Variants in NAALADL2 observed in about 807,000 individuals in gnomAD.
NAALADL2 encodes N-acetylated alpha-linked acidic dipeptidase like 2.
NAALADL2 carries 76 observed loss-of-function variants against 87.2 expected under a neutral mutation model. That is an observed-to-expected ratio of 0.87 (90% CI 0.72 to 1.05). NAALADL2 has a LOEUF of 1.05. Ranked by LOEUF, NAALADL2 falls within the 50% of genes least tolerant of loss-of-function variation. The pLI is 0.00. For synonymous variants in NAALADL2, 354 were observed against 331.0 expected (o/e 1.07, Z -0.75); for missense variants, 1,089 against 945.8 (o/e 1.15, Z -1.99).
chr3:174,859,829 C>A (rs1726261483), intron 1 of NAALADL2, among the ~76,000 whole-genome samples: 1 of 152,080 alleles, frequency 6.6e-6, no homozygotes, highest in Non-Finnish European at 1.5e-5. Flanking sequence ...TTTGTCTCTA[C>A]CTGTGGAGTG....
intron 2 of NAALADL2, among the ~76,000 whole-genome samples, chr3:175,147,315 T>G (rs2108760844): frequency 6.6e-6 from 1 of 152,246 alleles, no homozygotes; most frequent in East Asian, 1.9e-4. Context: ...TATTTAGCTC[T>G]CACTTATAAG....
At chr3:174,660,786 A>T (rs1344393112) in intron 2 of NAALADL2, among the ~76,000 whole-genome samples, 1 of 152,144 alleles carries the variant, frequency 6.6e-6, no homozygotes, top group Non-Finnish European at 1.5e-5. Flanking sequence ...CTGTGAAAGT[A>T]CCTTCATTTT....
Position 175,236,062 on chromosome 3 carries a change from C to T in NAALADL2, c.819+1858C>T, listed in dbSNP as rs148960528. 8.2e-3 allele frequency among the ~76,000 whole-genome samples: 1,248 copies of T among 152,212 alleles called. 18 individuals are homozygous for T. The highest frequency in any genetic ancestry group is 0.029 in the African/African-American group (1,184 of 41,516). ...ATATCCTATCACTGTGCAGCTTCTCCGAGGCCCTTATGGGAGCATGTATTT... is the reference window on the plus strand; with the variant it reads ...ATATCCTATCACTGTGCAGCTTCTCTGAGGCCCTTATGGGAGCATGTATTT... On this transcript the variant is annotated intron_variant, in intron 3 of 13. Coordinates refer to ENST00000454872, the MANE Select transcript of NAALADL2 (RefSeq NM_207015.3).
intron 9 of NAALADL2, among the ~76,000 whole-genome samples, chr3:175,490,986 G>T (rs1357883989): frequency 6.6e-6 from 1 of 151,996 alleles, no homozygotes; most frequent in African/African-American, 2.4e-5. Flanking sequence ...TTCAAATAAG[G>T]TTACTTTGAA....
chr3:174,970,702 G>A (rs138570781), intron 1 of NAALADL2, among the ~76,000 whole-genome samples: 226 of 152,118 alleles, frequency 1.5e-3, no homozygotes, highest in Middle Eastern at 3.4e-3. Context: ...TCTATTTTCC[G>A]TTGCTAATGG....
chr3:174,852,029 C>A (rs997909464), intron 3 of NAALADL2, among the ~76,000 whole-genome samples: 4 of 152,018 alleles, frequency 2.6e-5, no homozygotes, highest in Non-Finnish European at 4.4e-5. Context: ...ATTCAACATA[C>A]CTTCATGAGA....
At chr3:174,923,358 G>A (rs1393643226) in intron 1 of NAALADL2, among the ~76,000 whole-genome samples, 1 of 151,926 alleles carries the variant, frequency 6.6e-6, no homozygotes, top group African/African-American at 2.4e-5. Flanking sequence ...CAATAAATAA[G>A]AAACCAATAA....
intron 2 of NAALADL2, among the ~76,000 whole-genome samples, chr3:175,181,755 G>GGGTGTATATA (rs1736572407): frequency 1.3e-5 from 1 of 79,466 alleles, no homozygotes; most frequent in African/African-American, 4.2e-5. Flanking sequence ...GTATATATAT[G>GGGTGTATATA]TGTGTATATA....
intron 12 of NAALADL2, among the ~76,000 whole-genome samples, chr3:175,743,214 C>A (rs905555316): frequency 1.3e-5 from 2 of 151,846 alleles, no homozygotes; most frequent in African/African-American, 4.8e-5. Flanking sequence ...TTGGCCAGGC[C>A]CTTCTTGAAC....
intron 9 of NAALADL2, among the ~76,000 whole-genome samples, chr3:175,530,435 C>G (rs755643723): frequency 4.6e-5 from 7 of 152,168 alleles, no homozygotes; most frequent in African/African-American, 1.4e-4. Context: ...TCCTTCCATG[C>G]GACGTGCACA....
intron 3 of NAALADL2, among the ~76,000 whole-genome samples, chr3:174,839,232 A>C (rs1470490144): frequency 6.6e-6 from 1 of 152,210 alleles, no homozygotes; most frequent in Non-Finnish European, 1.5e-5. Flanking sequence ...AAACAAAAAC[A>C]TAAAGTGGGC....
intron 1 of NAALADL2, among the ~76,000 whole-genome samples, chr3:174,867,111 A>C (rs941393139): frequency 1.3e-5 from 2 of 151,608 alleles, no homozygotes; most frequent in African/African-American, 4.9e-5. Flanking sequence ...TAAAATATTT[A>C]ACTAAATTGA....
At chr3:175,566,255 T>C (rs1002558205) in intron 9 of NAALADL2, among the ~76,000 whole-genome samples, 17 of 152,190 alleles carry the variant, frequency 1.1e-4, no homozygotes, top group African/African-American at 2.4e-5. Context: ...TTTGGAGAGT[T>C]GCTTCATTCA....
intron 11 of NAALADL2, among the ~76,000 whole-genome samples, chr3:175,650,972 C>T (rs1432407476): frequency 2.6e-5 from 4 of 152,136 alleles, no homozygotes. Flanking sequence ...TTTATCTCCT[C>T]ATCTTTGAAA....
chr3:175,305,992 T>C (rs1284779618), intron 4 of NAALADL2, among the ~76,000 whole-genome samples: 1 of 152,138 alleles, frequency 6.6e-6, no homozygotes, highest in Non-Finnish European at 1.5e-5. Context: ...AAAAAACATA[T>C]TGCTAGGATT....
At chr3:175,467,268 G>A (rs774829822) in intron 8 of NAALADL2, 84 bp downstream of exon 8, 24 of 1,090,110 alleles carry the variant, frequency 2.2e-5, no homozygotes, top group Non-Finnish European at 3.2e-5. Flanking sequence ...AAAGCCAAGG[G>A]CAATAATGTG....
At chr3:175,201,804 A>AC (rs1740080997) in intron 2 of NAALADL2, among the ~76,000 whole-genome samples, 3 of 151,988 alleles carry the variant, frequency 2.0e-5, no homozygotes, top group Non-Finnish European at 2.9e-5. Flanking sequence ...AAAAAAAAAA[A>AC]AAACAAATTT....
intron 8 of NAALADL2, among the ~76,000 whole-genome samples, chr3:175,468,421 A>G (rs527325242): frequency 1.6e-4 from 24 of 152,206 alleles, no homozygotes; most frequent in Non-Finnish European, 3.2e-4. Flanking sequence ...TCATATTCCA[A>G]ATTACTTTAA....
chr3:174,817,868 GT>G (rs1395194986), intron 3 of NAALADL2, among the ~76,000 whole-genome samples: 2 of 152,110 alleles, frequency 1.3e-5, no homozygotes, highest in African/African-American at 4.8e-5. Context: ...TTAAAAAATA[GT>G]TTTATCAGAA....
Sources: allele counts gnomAD v4.1 joint callset (sites outside exome capture counted in the v4.1 genomes callset), GRCh38; gene constraint gnomAD v4.1.1; transcripts MANE v1.5; gene names NCBI Gene and HGNC (gene_info 2026-07-23, HGNC 2026-07-21).